The following GKAP1 variants were observed in gnomAD, a reference collection of about 807,000 sequenced individuals.
GKAP1 encodes G kinase anchoring protein 1, also known as G kinase-anchoring protein 1.
In GKAP1, 31 loss-of-function variants were observed where a neutral mutation model predicts 56.7. That is an observed-to-expected ratio of 0.55 (90% CI 0.41 to 0.74). The LOEUF (loss-of-function observed/expected upper bound fraction) is 0.74, where lower values mean the gene tolerates loss of function less well. Among genes scored for constraint, GKAP1 ranks in the 30% least tolerant of loss-of-function variants. The pLI is 0.00. For missense variants in GKAP1, 364 were observed against 402.3 expected (o/e 0.90, Z 0.82); for synonymous variants, 151 against 138.6 (o/e 1.09, Z -0.63).
intron 3 of GKAP1, among the ~76,000 whole-genome samples, chr9:83,803,207 T>C (rs890887860): frequency 2.6e-5 from 4 of 151,848 alleles, no homozygotes; most frequent in Non-Finnish European, 5.9e-5. Context: ...AAATAAAGTA[T>C]GAAATAACCA....
intron 5 of GKAP1, among the ~76,000 whole-genome samples, chr9:83,786,219 T>C (rs1944060579): frequency 6.6e-6 from 1 of 152,204 alleles, no homozygotes; most frequent in Admixed American, 6.5e-5. Context: ...TCAATAATTA[T>C]TTGGTGAATA....
At chr9:83,804,459 G>A (rs1467370912) in intron 3 of GKAP1, among the ~76,000 whole-genome samples, 16 of 112,538 alleles carry the variant, frequency 1.4e-4, no homozygotes, top group East Asian at 2.9e-4. Context: ...GCCTCTGCCC[G>A]GCCACCCCTA....
chr9:83,780,270 T>C (rs751192563), intron 7 of GKAP1, 112 bp downstream of exon 7: 11 of 665,008 alleles, frequency 1.7e-5, no homozygotes, highest in Non-Finnish European at 2.9e-5. Flanking sequence ...AAGACAAACC[T>C]ATGGGTTGTC....
At chr9:83,793,310 T>C (rs1324809548) in intron 4 of GKAP1, among the ~76,000 whole-genome samples, 3 of 152,224 alleles carry the variant, frequency 2.0e-5, no homozygotes, top group African/African-American at 7.2e-5. Context: ...AGCCAACTGA[T>C]TGGACTTAAT....
At chr9:83,748,420 T>G in intron 9 of GKAP1, 48 bp from the exon 10 acceptor site, 1 of 1,053,750 alleles carries the variant, frequency 9.5e-7, no homozygotes, top group Non-Finnish European at 1.4e-6. Flanking sequence ...GTAAGTGATA[T>G]AATTAATGAT....
chr9:83,782,776 C>T (rs1943997516), intron 6 of GKAP1, among the ~76,000 whole-genome samples: 1 of 150,856 alleles, frequency 6.6e-6, no homozygotes, highest in Non-Finnish European at 1.5e-5. Context: ...AATAGATTCT[C>T]CTGCCTCAGC....
At chr9:83,742,054 A>G in intron 11 of GKAP1, 25 bp from the exon 12 acceptor site, 1 of 1,524,374 alleles carries the variant, frequency 6.6e-7, no homozygotes. Flanking sequence ...TCAATAAGAA[A>G]AAGAATTTTT....
chr9:83,756,470 C>CAAAAAAAAAAAAAAAAAAAAA, intron 8 of GKAP1, among the ~76,000 whole-genome samples: 1 of 75,426 alleles, frequency 1.3e-5, no homozygotes, highest in Non-Finnish European at 2.5e-5. Context: ...GACTCCATCT[C>CAAAAAAAAAAAAAAAAAAAAA]AAAAAAAAAA....
chr9:83,757,450 C>T (rs1263650803), intron 8 of GKAP1, among the ~76,000 whole-genome samples: 1 of 152,180 alleles, frequency 6.6e-6, no homozygotes, highest in Non-Finnish European at 1.5e-5. Context: ...CATACTCTGA[C>T]ATTTTCTCCT....
chr9:83,801,395 T>TG (rs11388430), intron 3 of GKAP1, among the ~76,000 whole-genome samples: 64,738 of 150,372 alleles, frequency 0.43, 14,340 homozygotes, highest in African/African-American at 0.55. Context: ...ACCAAGTTTG[T>TG]GTTTTTTTTT....
At position 83,784,742 on chromosome 9, in the gene GKAP1, C is replaced by T. The variant is rs753674770; in HGVS notation, c.535G>A (p.Val179Ile). The change falls in exon 6 of 13, where the codon GTA becomes ATA. Residue 179 changes from valine to isoleucine, a missense_variant. Physicochemically the swap from Val to Ile is conservative, Grantham distance 29. Transcript: ENST00000376371. ...TCCGAATGAAAATCTTTTAGTGATA[C>T]TGTGAGAGGTCTGTCTTTTCCCTGA... is the stretch of plus-strand genomic sequence containing the variant. Reference protein sequence around the residue: ...NHQGKDRPLTVSLKDFHSEDH... With the variant: ...NHQGKDRPLTISLKDFHSEDH... 10 of 1,600,462 alleles carry T rather than the reference C, an allele frequency of 6.2e-6. No individual in the cohort carries two copies. The South Asian group carries it at 9.0e-5, about 14-fold the overall frequency.
In GKAP1 at chr9:83,807,919, T is replaced by C. The variant is rs117091439; in HGVS notation, c.-43-1359A>G. Among the ~76,000 whole-genome samples, 16 of 152,330 alleles carry C rather than the reference T, an allele frequency of 1.1e-4. No homozygotes were observed. The East Asian group carries it at 3.1e-3, about 29-fold the overall frequency. On this transcript the variant is annotated intron_variant, in intron 2 of 12. Coordinates refer to ENST00000376371, the MANE Select transcript of GKAP1 (RefSeq NM_025211.4). ...TTCAGGAGGGAAGAAAAATGAGAAGTATGTATTCAATCTTCCACCTTAAGT... is the reference window on the plus strand; with the variant it reads ...TTCAGGAGGGAAGAAAAATGAGAAGCATGTATTCAATCTTCCACCTTAAGT...
At chr9:83,756,051 T>C (rs1165550964) in intron 8 of GKAP1, among the ~76,000 whole-genome samples, 2 of 151,936 alleles carry the variant, frequency 1.3e-5, no homozygotes, top group African/African-American at 4.8e-5. Flanking sequence ...GCGATCCACC[T>C]GCCTTGGCCT....
intron 4 of GKAP1, among the ~76,000 whole-genome samples, chr9:83,793,771 A>G (rs969573493): frequency 3.9e-5 from 6 of 152,272 alleles, no homozygotes; most frequent in Non-Finnish European, 8.8e-5. Flanking sequence ...ATGTCACAAA[A>G]GGAGCAGAAA....
At position 83,781,302 on chromosome 9, in the gene GKAP1, G is replaced by A. The variant is rs181332336; in HGVS notation, c.563-898C>T. 1.1e-4 allele frequency among the ~76,000 whole-genome samples: 16 copies of A among 152,352 alleles called. No homozygotes were observed. The East Asian group carries it at 3.1e-3, about 29-fold the overall frequency. ...TGCTTGAACCCAGGAGGCGGAGGCT[G>A]CAGAGAGCCAGGATCATGCTACTGC... On this transcript the variant is annotated intron_variant, in intron 6 of 12. Coordinates refer to ENST00000376371, the MANE Select transcript of GKAP1 (RefSeq NM_025211.4).
At chr9:83,761,286 A>C (rs1437644296) in intron 8 of GKAP1, among the ~76,000 whole-genome samples, 1 of 152,164 alleles carries the variant, frequency 6.6e-6, no homozygotes, top group Non-Finnish European at 1.5e-5. Flanking sequence ...ATTAGTGGCT[A>C]CTATGAGCAA....
At chr9:83,748,841 G>C (rs1943338542) in intron 9 of GKAP1, 1 of 152,172 alleles carries the variant, frequency 6.6e-6, no homozygotes, top group African/African-American at 2.4e-5. Flanking sequence ...TAGTGTGACT[G>C]AGAAAAATGA....
At chr9:83,786,955 A>AT (rs1295807338) in intron 5 of GKAP1, among the ~76,000 whole-genome samples, 1 of 152,208 alleles carries the variant, frequency 6.6e-6, no homozygotes, top group Non-Finnish European at 1.5e-5. Context: ...TATTTGATAA[A>AT]TTTTATCTCC....
At chr9:83,740,570 C>T (rs1943190325) in intron 12 of GKAP1, among the ~76,000 whole-genome samples, 1 of 152,084 alleles carries the variant, frequency 6.6e-6, no homozygotes, top group Non-Finnish European at 1.5e-5. Context: ...TTTTATAAAA[C>T]TATGGCAATG....
Sources: allele counts gnomAD v4.1 joint callset (sites outside exome capture counted in the v4.1 genomes callset), GRCh38; gene constraint gnomAD v4.1.1; transcripts MANE v1.5; gene names NCBI Gene and HGNC (gene_info 2026-07-23, HGNC 2026-07-21).